The following CBX1 variants were observed in gnomAD, a reference collection of about 807,000 sequenced individuals.
The protein encoded by CBX1 is chromobox protein homolog 1.
A neutral mutation model predicts 25.1 loss-of-function variants in CBX1; 10 were observed. That is an observed-to-expected ratio of 0.40 (90% CI 0.25 to 0.68). The LOEUF (loss-of-function observed/expected upper bound fraction) is 0.68. CBX1 is among the 30% of genes least tolerant of loss of function. The pLI is 0.40. For missense variants in CBX1, 106 were observed against 218.5 expected (o/e 0.49, Z 3.25); for synonymous variants, 63 against 79.4 (o/e 0.79, Z 1.10).
In CBX1 at chr17:48,084,201, CCTTTT is replaced by C. The variant is rs1231719774; in HGVS notation, c.-37-7165_-37-7161del. 1.4e-4 allele frequency among the ~76,000 whole-genome samples: 15 copies of C among 107,440 alleles called. 1 individual carries two copies. The East Asian group carries it at 2.7e-3, about 20-fold the overall frequency. The allele number at this position is 107,440 out of a possible 152,430, so 70.5% of individuals were successfully genotyped here. A position where few individuals can be genotyped will look rare whatever the true frequency, so the allele number is the denominator to read the frequency against. ...ATGTTGTTCAGGCTTCTCTTTCTTT[CCTTTT>C]TTTTTTTTTTTTTTTTTTTTTTTGA... On this transcript the variant is annotated intron_variant, in intron 1 of 4. Transcript: ENST00000225603.
At chr17:48,082,763 C>G (rs2037751729) in intron 1 of CBX1, among the ~76,000 whole-genome samples, 1 of 149,874 alleles carries the variant, frequency 6.7e-6, no homozygotes, top group African/African-American at 2.5e-5. Context: ...GTCTCAAACG[C>G]TTGACCTCAA....
rs191193077 is a variant in CBX1, at chr17:48,082,951, C to T, written c.-37-5910G>A. 2.7e-4 allele frequency among the ~76,000 whole-genome samples: 40 copies of T among 148,894 alleles called. No individual in the cohort carries two copies. The East Asian group carries it at 6.6e-3, about 25-fold the overall frequency. On this transcript the variant is annotated intron_variant, in intron 1 of 4. Coordinates refer to ENST00000225603, the MANE Select transcript of CBX1 (RefSeq NM_001127228.2). ...ACGCGATCTCAGCTCACCACCACCT[C>T]GGCTTCCCAGGTTCAAGCGATTCTC...
rs548944428 is a variant in CBX1 at position 48,076,581 on chromosome 17, G to C, written c.140+284C>G. On this transcript the variant is annotated intron_variant, in intron 2 of 4. Transcript: ENST00000225603. The stretch of plus-strand genomic sequence containing the variant: ...AGCTACTTAGAAGGCTGAGGTGGGA[G>C]GATACCTTGAGCCTGGGAGGTTGAG... Among the ~76,000 whole-genome samples the C allele has an allele frequency of 5.3e-5, 8 of 152,262 alleles. No homozygotes were observed. In the South Asian group the frequency reaches 1.7e-3, roughly 32 times the overall value.
At chr17:48,087,499 G>A (rs1011653448) in intron 1 of CBX1, among the ~76,000 whole-genome samples, 2 of 151,848 alleles carry the variant, frequency 1.3e-5, no homozygotes, top group African/African-American at 2.4e-5. Flanking sequence ...GCTTGAACCC[G>A]GGAGGCGGAG....
chr17:48,075,077 A>C lies in CBX1; in HGVS notation c.342T>G (p.Ala114=). The change falls in exon 4 of 5, where the codon GCT becomes GCG. Residue 114 remains alanine (A), a synonymous_variant. Coordinates refer to ENST00000225603, the MANE Select transcript of CBX1 (RefSeq NM_001127228.2). ...KEESEKPRGF[A]RGLEPERIIG... The stretch of plus-strand genomic sequence containing the variant: ...TAATCCGCTCCGGCTCCAAACCTCG[A>C]GCAAAGCCTCGTGGCTTTTCTGACT... 1.2e-6 allele frequency: 2 copies of C among 1,614,034 alleles called. No individual in the cohort carries two copies. The highest frequency in any genetic ancestry group is 8.5e-7 in the Non-Finnish European group (1 of 1,179,884).
rs2144443985 is a variant in CBX1, at chr17:48,082,181, G to C, written c.-37-5140C>G. 2.0e-5 allele frequency among the ~76,000 whole-genome samples: 3 copies of C among 152,146 alleles called. No homozygotes were observed. The South Asian group carries it at 6.2e-4, about 32-fold the overall frequency. On this transcript the variant is annotated intron_variant, in intron 1 of 4. Coordinates refer to ENST00000225603, the MANE Select transcript of CBX1 (RefSeq NM_001127228.2). The stretch of plus-strand genomic sequence containing the variant: ...TGATTGTGCCACTGCACTCCAGCCT[G>C]GGTGAGGAAGCAAGACTGTCTTTAA...
At chr17:48,100,048 A>G (rs751164797) in intron 1 of CBX1, among the ~76,000 whole-genome samples, 26 of 148,722 alleles carry the variant, frequency 1.7e-4, no homozygotes, top group Non-Finnish European at 3.9e-4. Flanking sequence ...CTGAGGCAAG[A>G]GAATCGCATG....
intron 1 of CBX1, chr17:48,096,323 T>G: frequency 1.0e-6 from 1 of 984,884 alleles, no homozygotes; most frequent in Non-Finnish European, 1.2e-6. Context: ...CATGGATATT[T>G]TGACACAGAT....
At chr17:48,094,767 A>C (rs566032313) in intron 1 of CBX1, among the ~76,000 whole-genome samples, 1 of 147,384 alleles carries the variant, frequency 6.8e-6, no homozygotes, top group Admixed American at 6.9e-5. Context: ...TGTGCTCCTG[A>C]CTGGGCTTGG....
intron 1 of CBX1, among the ~76,000 whole-genome samples, chr17:48,092,317 T>C (rs1403639137): frequency 6.6e-6 from 1 of 151,266 alleles, no homozygotes; most frequent in African/African-American, 2.4e-5. Flanking sequence ...ATACTATCTA[T>C]TAAAAAAAAA....
rs76984226 is a variant in CBX1 at position 48,078,031 on chromosome 17, C to T, written c.-37-990G>A. On this transcript the variant is annotated intron_variant, in intron 1 of 4. Transcript: ENST00000225603. Reference sequence around the variant, plus strand: ...TAGCCAGTCGTGAGCCAAGATCGCACGACTGTACTCCAGCCTGGGCAACAG... The same window carrying T: ...TAGCCAGTCGTGAGCCAAGATCGCATGACTGTACTCCAGCCTGGGCAACAG... Among the ~76,000 whole-genome samples the T allele has an allele frequency of 9.6e-3, 1,458 of 151,724 alleles. 122 individuals carry two copies. In the East Asian group the frequency reaches 0.21, roughly 22 times the overall value.
At chr17:48,089,559 C>G (rs1420164012) in intron 1 of CBX1, among the ~76,000 whole-genome samples, 10 of 151,532 alleles carry the variant, frequency 6.6e-5, no homozygotes, top group African/African-American at 2.4e-4. Flanking sequence ...CACGGTGGCT[C>G]ACGCCTGTAA....
At chr17:48,072,822 T>A (rs986898945) in intron 4 of CBX1, among the ~76,000 whole-genome samples, 8 of 151,014 alleles carry the variant, frequency 5.3e-5, no homozygotes, top group Admixed American at 2.6e-4. Context: ...TCATACACAT[T>A]ATAAGGGAAT....
At chr17:48,075,162 C>A in intron 3 of CBX1, 62 bp from the exon 4 acceptor site, 2 of 1,050,282 alleles carry the variant, frequency 1.9e-6, no homozygotes, top group East Asian at 2.4e-5. Context: ...AGACTGGAAC[C>A]ATTCCTGTGT....
Position 48,072,307 on chromosome 17 carries a change from G to A in CBX1, c.414-728C>T, listed in dbSNP as rs967886940. ...ATTACAGGCATGAGCCACCTCGCCC[G>A]GCCCGTAATAGGATTAAATACCACA... is the stretch of plus-strand genomic sequence containing the variant. On this transcript the variant is annotated intron_variant, in intron 4 of 4. Transcript: ENST00000225603. Among the ~76,000 whole-genome samples the A allele has an allele frequency of 2.2e-4, 34 of 151,666 alleles. 1 individual carries two copies. Among genetic ancestry groups the A allele is most frequent in the East Asian group, 2.0e-4 (1 of 5,126 alleles).
At chr17:48,088,364 T>C (rs568425863) in intron 1 of CBX1, 8 of 150,380 alleles carry the variant, frequency 5.3e-5, no homozygotes, top group African/African-American at 2.0e-4. Context: ...CTCACGCCTA[T>C]AATCCCAGCA....
chr17:48,076,905 C>T lies in CBX1; in HGVS notation c.100G>A (p.Gly34Ser). The T allele has an allele frequency of 6.2e-7, 1 of 1,613,242 alleles. No homozygotes were observed. ...CACTTTAGGAGGTACTCCACTTTGC[C>T]CTTTACCACTCGACGGTCGAGAACT... ...EKVLDRRVVKGKVEYLLKWKG... is the reference protein window; with the variant it reads ...EKVLDRRVVKSKVEYLLKWKG... The change falls in exon 2 of 5, where the codon GGC becomes AGC. Residue 34 changes from glycine to serine, a missense_variant. Gly to Ser is a moderately conservative substitution (Grantham distance 56, BLOSUM62 0). Transcript: ENST00000225603.
chr17:48,093,837 A>C (rs1394958646), intron 1 of CBX1, among the ~76,000 whole-genome samples: 1 of 151,724 alleles, frequency 6.6e-6, no homozygotes, highest in African/African-American at 2.4e-5. Context: ...GTGTGGGCTT[A>C]GGCCCGGCAT....
At position 48,070,331 on chromosome 17, in the gene CBX1, T is replaced by C. The variant is rs942198606; in HGVS notation, c.*1104A>G. On this transcript the variant is annotated 3_prime_UTR_variant, in exon 5 of 5. Transcript: ENST00000225603. ...CACTGCCCAATATGAAAGTTTAATC[T>C]TCTCCTGAGACCAAGGCTTTTGAAA... 6.6e-6 allele frequency: 1 copy of C among 152,654 alleles called. No homozygotes were observed. The highest frequency in any genetic ancestry group is 1.5e-5 in the Non-Finnish European group (1 of 68,038). 9.5% of individuals were successfully genotyped at this position (152,654 alleles called of 1,614,324 possible).
Sources: gnomAD v4.1 joint callset for allele counts (sites outside exome capture counted in the v4.1 genomes callset) on GRCh38, gnomAD v4.1.1 for gene constraint, MANE v1.5 for transcripts, NCBI Gene and HGNC (gene_info 2026-07-23, HGNC 2026-07-21) for gene names.